Variants in ATP13A3 observed in about 807,000 individuals in gnomAD.
The protein encoded by ATP13A3 is ATPase 13A3.
In ATP13A3, 59 loss-of-function variants were observed where a neutral mutation model predicts 158.1. The ratio of observed to expected loss-of-function variants is 0.37; its 90% CI spans 0.30 to 0.46. The LOEUF is 0.46. Ranked by LOEUF, ATP13A3 falls within the 20% of genes least tolerant of loss-of-function variation. The pLI is 1.00. For missense variants in ATP13A3, 1,166 were observed against 1,525.2 expected (o/e 0.76, Z 3.92); for synonymous variants, 491 against 504.3 (o/e 0.97, Z 0.35).
chr3:194,469,006 C>T (rs954836629), intron 2 of ATP13A3, among the ~76,000 whole-genome samples: 2 of 151,458 alleles, frequency 1.3e-5, no homozygotes, highest in African/African-American at 4.9e-5. Context: ...AGGTAGCATG[C>T]GCCTGTAATC....
chr3:194,412,433 C>G, intron 32 of ATP13A3, 145 bp from the exon 33 acceptor site: 1 of 622,532 alleles, frequency 1.6e-6, no homozygotes. Flanking sequence ...TTAATACTGC[C>G]AAATGATCAA....
intron 28 of ATP13A3, 76 bp from the exon 29 acceptor site, chr3:194,427,328 T>G (rs998654658): frequency 1.5e-6 from 2 of 1,321,258 alleles, no homozygotes; most frequent in Non-Finnish European, 2.0e-6. Context: ...CTAGATTCAT[T>G]TAGGAACTTT....
chr3:194,425,487 G>T lies in ATP13A3; in HGVS notation c.3168C>A (p.His1056Gln), dbSNP rs568732265. The T allele has an allele frequency of 3.7e-6, 6 of 1,612,868 alleles. No homozygotes were observed. Among genetic ancestry groups the T allele is most frequent in the Non-Finnish European group, 5.1e-6 (6 of 1,179,664 alleles). ...CATCAAGTTCGGTTTCATTGTCTAC[G>T]TGTGAAGAATTCCAAAACCCGCTTC... ...TTGSGFWNSS[H>Q]VDNETELDEH... is the part of the protein sequence containing the mutation. Residue 1056 changes from histidine to glutamine, a missense_variant, in exon 30 of 34, where the codon CAC becomes CAA. Physicochemically the swap from His to Gln is conservative, Grantham distance 24. Around this residue, in one of 3 missense-constraint regions of ATP13A3, gnomAD observed 997 missense variants for 1,341.2 expected, o/e 0.74. Transcript: ENST00000645319.
In ATP13A3 at chr3:194,448,784, G is replaced by T; in HGVS notation, c.971-148C>A. On this transcript the variant is annotated intron_variant, in intron 11 of 33. Transcript: ENST00000645319. This position sits in a 1 kb window ranked among gnomAD's most constrained non-coding sequence, Gnocchi z 4.0. Reference sequence around the variant, plus strand: ...ACAATAATCACTGAGAGTTGTATATGTGGACAACATGGCTTAATTTTTTGT... The same window carrying T: ...ACAATAATCACTGAGAGTTGTATATTTGGACAACATGGCTTAATTTTTTGT... 1 of 840,346 alleles carries T rather than the reference G, an allele frequency of 1.2e-6. No individual in the cohort carries two copies. Among genetic ancestry groups the T allele is most frequent in the Non-Finnish European group, 1.7e-6 (1 of 572,898 alleles). The allele number at this position is 840,346 out of a possible 1,614,324, so 52.1% of individuals were successfully genotyped here.
intron 14 of ATP13A3, among the ~76,000 whole-genome samples, chr3:194,445,237 C>T (rs559810666): frequency 6.6e-6 from 1 of 152,106 alleles, no homozygotes; most frequent in East Asian, 1.9e-4. Flanking sequence ...GTTTCTTCAA[C>T]AAAATAACTG....
intron 2 of ATP13A3, among the ~76,000 whole-genome samples, chr3:194,492,267 T>G (rs922559676): frequency 3.9e-5 from 6 of 152,102 alleles, no homozygotes; most frequent in Non-Finnish European, 7.3e-5. Flanking sequence ...ATCTATTCTT[T>G]CCCTTCCCTT....
chr3:194,454,192 AC>A (rs1188818643), intron 9 of ATP13A3, 65 bp downstream of exon 9: 2 of 1,438,994 alleles, frequency 1.4e-6, no homozygotes, highest in African/African-American at 1.4e-5. Flanking sequence ...GTACTATTCT[AC>A]ACACATTAGA....
At chr3:194,419,704 A>T in intron 31 of ATP13A3, 175 bp downstream of exon 31, 2 of 841,756 alleles carry the variant, frequency 2.4e-6, no homozygotes, top group Non-Finnish European at 2.9e-6. Context: ...AGCAGAGATT[A>T]AACAGGTATA....
At chr3:194,457,711 T>A (rs1356182512) in intron 6 of ATP13A3, among the ~76,000 whole-genome samples, 1 of 152,012 alleles carries the variant, frequency 6.6e-6, no homozygotes, top group East Asian at 1.9e-4. Context: ...TCACAGACAA[T>A]GCCTAAAATC....
chr3:194,413,614 A>C, intron 32 of ATP13A3, 145 bp downstream of exon 32: 1 of 747,132 alleles, frequency 1.3e-6, no homozygotes, highest in Non-Finnish European at 2.3e-6. Flanking sequence ...AAAGTTCACA[A>C]GAGAAGGCTA....
At position 194,433,997 on chromosome 3, in the gene ATP13A3, G is replaced by C. The variant is rs144802626; in HGVS notation, c.2121-101C>G. ...TCTAAACAATTAAAAATGTCTATAA[G>C]TTATAATGCAGTTTAAAATATCTAT... On this transcript the variant is annotated intron_variant, in intron 20 of 33. Transcript: ENST00000645319. 1,297 of 1,224,292 alleles carry C rather than the reference G, an allele frequency of 1.1e-3. 13 individuals carry two copies. The African/African-American group carries it at 0.017, about 16-fold the overall frequency. The allele number at this position is 1,224,292 out of a possible 1,614,324, so 75.8% of individuals were successfully genotyped here.
At position 194,410,296 on chromosome 3, in the gene ATP13A3, C is replaced by CAAAAAAAAAA. The variant is rs772008929; in HGVS notation, c.3573+1893_3573+1902dup. On this transcript the variant is annotated intron_variant, in intron 33 of 33. Transcript: ENST00000645319. ...GCAACATGGCAAAACCTCCTCTCTGCAAAAAAAAAAAAAAAAAAAAAAAAA... is the reference window on the plus strand; with the variant it reads ...GCAACATGGCAAAACCTCCTCTCTGCAAAAAAAAAAAAAAAAAAAAAAAAAAAAAAAAAAA... Among the ~76,000 whole-genome samples the CAAAAAAAAAA allele has an allele frequency of 2.2e-3, 47 of 21,818 alleles. 18 individuals carry two copies. The highest frequency in any genetic ancestry group is 4.5e-3 in the East Asian group (3 of 666). 14.3% of individuals were successfully genotyped at this position (21,818 alleles called of 152,430 possible).
intron 31 of ATP13A3, 75 bp downstream of exon 31, chr3:194,419,804 G>T (rs1487586914): frequency 4.6e-6 from 7 of 1,512,100 alleles, no homozygotes; most frequent in Non-Finnish European, 6.1e-6. Flanking sequence ...TACACAAAAA[G>T]AAGAGATCCT....
At chr3:194,466,865 T>C (rs1374291728) in intron 2 of ATP13A3, among the ~76,000 whole-genome samples, 1 of 152,210 alleles carries the variant, frequency 6.6e-6, no homozygotes, top group African/African-American at 2.4e-5. Flanking sequence ...CCCACCCATC[T>C]GAAGCTTTTA....
intron 2 of ATP13A3, among the ~76,000 whole-genome samples, chr3:194,468,882 A>G (rs1012759383): frequency 3.9e-5 from 6 of 152,232 alleles, no homozygotes; most frequent in African/African-American, 1.4e-4. Flanking sequence ...AACTAAAATT[A>G]AAAATGCATT....
At position 194,486,556 on chromosome 3, in the gene ATP13A3, C is replaced by G. The variant is rs995069501; in HGVS notation, c.-89+10G>C. The G allele has an allele frequency of 5.3e-5, 8 of 151,880 alleles. No homozygotes were observed. Among genetic ancestry groups the G allele is most frequent in the African/African-American group, 1.7e-4 (7 of 41,248 alleles). 9.4% of individuals were successfully genotyped at this position (151,880 alleles called of 1,614,324 possible). ...GGCGCCGCTGCCCACCCGCCCCTCG[C>G]CCCGCTCACCGGGGCCGCTCACTGG... On this transcript the variant is annotated intron_variant, in intron 1 of 33. Coordinates refer to ENST00000645319, the MANE Select transcript of ATP13A3 (RefSeq NM_001367549.1).
intron 21 of ATP13A3, among the ~76,000 whole-genome samples, chr3:194,433,009 G>C (rs1288369018): frequency 6.6e-6 from 1 of 151,832 alleles, no homozygotes; most frequent in African/African-American, 2.4e-5. Flanking sequence ...TCATGCTATC[G>C]AATATCTATT....
intron 31 of ATP13A3, among the ~76,000 whole-genome samples, chr3:194,415,305 G>A (rs1715751332): frequency 6.6e-6 from 1 of 152,212 alleles, no homozygotes; most frequent in African/African-American, 2.4e-5. Context: ...ATTGGCAGGG[G>A]AAGATGCCAG....
rs764363138 is a variant in ATP13A3, at chr3:194,405,898, A to G, written c.*21T>C. ...ATTCCTGAATACTGCTATCAGCAAT[A>G]CCACTGAGACTGATTCACTGCTATG... is the stretch of plus-strand genomic sequence containing the variant. On this transcript the variant is annotated 3_prime_UTR_variant, in exon 34 of 34. Coordinates refer to ENST00000645319, the MANE Select transcript of ATP13A3 (RefSeq NM_001367549.1). 2 of 1,611,160 alleles carry G rather than the reference A, an allele frequency of 1.2e-6. No individual in the cohort carries two copies. Among genetic ancestry groups the G allele is most frequent in the South Asian group, 2.2e-5 (2 of 90,984 alleles).
Sources: gnomAD v4.1 joint callset for allele counts (sites outside exome capture counted in the v4.1 genomes callset) on GRCh38, gnomAD v4.1.1 for gene constraint, gnomAD v4.1.1 regional missense constraint, Gnocchi (gnomAD v3.1) non-coding constraint, MANE v1.5 for transcripts, NCBI Gene and HGNC (gene_info 2026-07-23, HGNC 2026-07-21) for gene names.